HSD17B12: variants seen among roughly 807,000 people sequenced by gnomAD.
HSD17B12 encodes hydroxysteroid 17-beta dehydrogenase 12.
HSD17B12 carries 32 observed loss-of-function variants against 39.3 expected under a neutral mutation model. That is an observed-to-expected ratio of 0.81 (90% CI 0.61 to 1.09). The LOEUF (loss-of-function observed/expected upper bound fraction) is 1.09. Among genes scored for constraint, HSD17B12 ranks in the 50% least tolerant of loss-of-function variants. The pLI, the probability that HSD17B12 is intolerant of heterozygous loss-of-function variation, is 0.00. For synonymous variants in HSD17B12, 150 were observed against 146.7 expected, an observed-to-expected ratio of 1.02 and a Z score of -0.16; for missense variants, 342 against 382.9, an observed-to-expected ratio of 0.89 and a Z score of 0.89.
At chr11:43,670,103 C>T in the HSD17B12 span, among the ~76,000 whole-genome samples, 257 of 152,300 alleles carry the variant, frequency 1.7e-3, no homozygotes, top group African/African-American at 5.9e-3. Context: ...GCTGGGAAGG[C>T]TTTTCAGAGA....
Position 43,690,390 on chromosome 11 carries a change from A to ATTT in HSD17B12, c.160+9404_160+9405insTTT, listed in dbSNP as rs1196143107. 4.4e-3 allele frequency among the ~76,000 whole-genome samples: 64 copies of ATTT among 14,560 alleles called. 2 individuals are homozygous for ATTT. The highest frequency in any genetic ancestry group is 0.038 in the Middle Eastern group (1 of 26). 9.6% of individuals were successfully genotyped at this position (14,560 alleles called of 152,430 possible). ...TATATATATATATATATATATATAT[A>ATTT]TATATATATATATATTTTTTTTTTT... On this transcript the variant is annotated intron_variant, in intron 1 of 10. Transcript: ENST00000278353.
intron 1 of HSD17B12, chr11:43,724,239 G>A (rs563126607): frequency 6.6e-6 from 1 of 150,750 alleles, no homozygotes; most frequent in Non-Finnish European, 1.5e-5. Flanking sequence ...GTGTGTGTGT[G>A]TGTGTGTGTG....
intron 1 of HSD17B12, 60 bp from the exon 2 acceptor site, chr11:43,750,851 C>A: frequency 8.0e-7 from 1 of 1,257,482 alleles, no homozygotes; most frequent in Non-Finnish European, 1.1e-6. Flanking sequence ...TGGGTCCTAA[C>A]TATGACCAAT....
chr11:43,720,993 C>G (rs977321648), intron 1 of HSD17B12, among the ~76,000 whole-genome samples: 14 of 152,000 alleles, frequency 9.2e-5, no homozygotes. Flanking sequence ...GATTTACTCC[C>G]TTTCATGACC....
intron 6 of HSD17B12, among the ~76,000 whole-genome samples, chr11:43,820,093 A>G (rs1951166663): frequency 6.6e-6 from 1 of 152,136 alleles, no homozygotes; most frequent in Admixed American, 6.5e-5. Context: ...CAGATAGAAA[A>G]TGGCTTGACG....
At chr11:43,770,763 C>G (rs1210702076) in intron 3 of HSD17B12, among the ~76,000 whole-genome samples, 2 of 152,072 alleles carry the variant, frequency 1.3e-5, no homozygotes, top group Non-Finnish European at 2.9e-5. Flanking sequence ...AGTTTGCAGT[C>G]TTTATTATCC....
At chr11:43,649,917 A>G in the HSD17B12 span, among the ~76,000 whole-genome samples, 1 of 152,234 alleles carries the variant, frequency 6.6e-6, no homozygotes, top group African/African-American at 2.4e-5. Flanking sequence ...AGGATGCGAC[A>G]TCAAGTGTAG....
At chr11:43,839,884 AATG>A (rs1202956886) in intron 8 of HSD17B12, 112 bp from the exon 9 acceptor site, 60 of 881,684 alleles carry the variant, frequency 6.8e-5, no homozygotes, top group Non-Finnish European at 1.1e-4. Context: ...AAATGAAAAA[AATG>A]ATGAGAAATT....
chr11:43,603,799 C>T, the HSD17B12 span, among the ~76,000 whole-genome samples: 7 of 152,204 alleles, frequency 4.6e-5, no homozygotes, highest in South Asian at 8.3e-4. Flanking sequence ...TTTAATATCT[C>T]GTTTCTAATA....
chr11:43,649,112 CTTT>C, the HSD17B12 span, among the ~76,000 whole-genome samples: 1 of 140,262 alleles, frequency 7.1e-6, no homozygotes, highest in Non-Finnish European at 1.6e-5. Flanking sequence ...CAACTTGTGT[CTTT>C]TTTTTTTTTA....
the HSD17B12 span, among the ~76,000 whole-genome samples, chr11:43,590,753 G>A: frequency 1.3e-5 from 2 of 148,460 alleles, no homozygotes; most frequent in South Asian, 4.3e-4. Flanking sequence ...CTTGTGATCT[G>A]CCCACCTCAG....
chr11:43,794,168 C>A (rs1316475278), intron 3 of HSD17B12, among the ~76,000 whole-genome samples: 2 of 152,110 alleles, frequency 1.3e-5, no homozygotes, highest in African/African-American at 4.8e-5. Flanking sequence ...CTATATGTAA[C>A]CACAACTGTA....
intron 4 of HSD17B12, among the ~76,000 whole-genome samples, chr11:43,806,043 A>G (rs1951015301): frequency 6.6e-6 from 1 of 152,216 alleles, no homozygotes; most frequent in Non-Finnish European, 1.5e-5. Flanking sequence ...AGTCCCCAAC[A>G]CAGAGGTTCT....
At chr11:43,788,394 G>A (rs1950835631) in intron 3 of HSD17B12, among the ~76,000 whole-genome samples, 1 of 152,146 alleles carries the variant, frequency 6.6e-6, no homozygotes, top group Non-Finnish European at 1.5e-5. Context: ...GCTATAAAAT[G>A]TGATGTTTCA....
chr11:43,693,518 G>A (rs1010429987), intron 1 of HSD17B12, among the ~76,000 whole-genome samples: 5 of 152,172 alleles, frequency 3.3e-5, no homozygotes, highest in African/African-American at 9.7e-5. Flanking sequence ...CTTGTTCATT[G>A]TATATAGTGG....
At chr11:43,853,443 A>C (rs1232483415) in intron 9 of HSD17B12, 2 of 152,024 alleles carry the variant, frequency 1.3e-5, no homozygotes, top group African/African-American at 4.8e-5. Context: ...ATTTGATTGA[A>C]ATTTTAAGAT....
chr11:43,685,119 C>G (rs573363050), intron 1 of HSD17B12, among the ~76,000 whole-genome samples: 2 of 152,314 alleles, frequency 1.3e-5, no homozygotes, highest in Admixed American at 1.3e-4. Flanking sequence ...GTTCTACCCT[C>G]TGGATGTTTA....
chr11:43,707,160 C>T (rs1051806440), intron 1 of HSD17B12, among the ~76,000 whole-genome samples: 25 of 152,260 alleles, frequency 1.6e-4, no homozygotes, highest in African/African-American at 5.8e-4. Flanking sequence ...GTATGTCAGA[C>T]GCTTTGCAAT....
intron 3 of HSD17B12, among the ~76,000 whole-genome samples, chr11:43,797,528 C>T (rs1950926194): frequency 1.3e-5 from 2 of 152,188 alleles, no homozygotes; most frequent in South Asian, 2.1e-4. Flanking sequence ...AGTCATTTTG[C>T]AAATATATGT....
Sources: allele counts gnomAD v4.1 joint callset (sites outside exome capture counted in the v4.1 genomes callset), GRCh38; gene constraint gnomAD v4.1.1; transcripts MANE v1.5; gene names NCBI Gene and HGNC (gene_info 2026-07-23, HGNC 2026-07-21).